The following CDK8 variants were observed in gnomAD, a reference collection of about 807,000 sequenced individuals.
CDK8 encodes cyclin-dependent kinase 8.
CDK8 carries 29 observed loss-of-function variants against 71.5 expected under a neutral mutation model. The ratio of observed to expected loss-of-function variants is 0.41; its 90% confidence interval spans 0.30 to 0.55. The LOEUF is 0.55. CDK8 is among the 20% of genes least tolerant of loss of function. The probability of loss-of-function intolerance (pLI) is 0.37; values close to 1 mark genes in which losing one functional copy is unlikely to be tolerated. For missense variants in CDK8, 288 were observed against 572.6 expected (o/e 0.50, Z 5.07); for synonymous variants, 161 against 192.1 (o/e 0.84, Z 1.34).
intron 1 of CDK8, among the ~76,000 whole-genome samples, chr13:26,305,012 T>G (rs1042971754): frequency 6.6e-6 from 1 of 152,152 alleles, no homozygotes; most frequent in Non-Finnish European, 1.5e-5. Context: ...TTACAAGATA[T>G]TATCATTGTT....
At chr13:26,261,971 G>A (rs1871788612) in intron 1 of CDK8, among the ~76,000 whole-genome samples, 1 of 152,202 alleles carries the variant, frequency 6.6e-6, no homozygotes. Flanking sequence ...ATCTATTGCA[G>A]TAATTCTGAA....
intron 3 of CDK8, among the ~76,000 whole-genome samples, chr13:26,352,770 A>G (rs1873736080): frequency 1.3e-5 from 2 of 152,236 alleles, no homozygotes; most frequent in African/African-American, 4.8e-5. Flanking sequence ...CTTGGAGAGT[A>G]AAGCTCCTTT....
intron 1 of CDK8, among the ~76,000 whole-genome samples, chr13:26,325,599 A>G (rs944509065): frequency 2.0e-4 from 31 of 152,158 alleles, no homozygotes; most frequent in African/African-American, 7.5e-4. Context: ...AATGATTCTA[A>G]GGAAAGACTA....
Position 26,355,010 on chromosome 13 carries a change from C to T in CDK8, c.456+1130C>T, listed in dbSNP as rs58330182. ...TAAAAGTGATTATTTTGTCTCTAAT[C>T]ACCTGTATACAAAGGAAATATCCTG... On this transcript the variant is annotated intron_variant, in intron 4 of 12. Coordinates refer to ENST00000381527, the MANE Select transcript of CDK8 (RefSeq NM_001260.3). Among the ~76,000 whole-genome samples, 1,341 of 152,268 alleles carry T rather than the reference C, an allele frequency of 8.8e-3. 26 individuals carry two copies. Among genetic ancestry groups the T allele is most frequent in the African/African-American group, 0.029 (1,220 of 41,542 alleles).
At position 26,337,582 on chromosome 13, in the gene CDK8, CT is replaced by C; in HGVS notation, c.145del (p.Tyr49MetfsTer3). 1 of 1,449,174 alleles carries C rather than the reference CT, an allele frequency of 6.9e-7. No individual in the cohort carries two copies. Among genetic ancestry groups the C allele is most frequent in the Non-Finnish European group, 9.1e-7 (1 of 1,093,920 alleles). The allele number at this position is 1,449,174 out of a possible 1,614,324, so 89.8% of individuals were successfully genotyped here. ...GTTTTTACAGGAAGGATGATAAAGA[CT>C]ATGCTTTAAAACAAATAGAAGGAAC... ...KRKDGKDDKD[Y>X]ALKQIEGTGI... On this transcript the variant is annotated frameshift_variant, in exon 2 of 13. Coordinates refer to ENST00000381527, the MANE Select transcript of CDK8 (RefSeq NM_001260.3). LOFTEE classifies it high-confidence loss of function.
chr13:26,295,934 C>T (rs1396629180), intron 1 of CDK8, among the ~76,000 whole-genome samples: 1 of 152,046 alleles, frequency 6.6e-6, no homozygotes, highest in African/African-American at 2.4e-5. Context: ...GTATCATGGT[C>T]GTTTGTTGGA....
At chr13:26,287,100 C>T (rs1873057846) in intron 1 of CDK8, among the ~76,000 whole-genome samples, 1 of 152,138 alleles carries the variant, frequency 6.6e-6, no homozygotes, top group Non-Finnish European at 1.5e-5. Flanking sequence ...CCTTAAAGAA[C>T]TAAAATAGAA....
At chr13:26,328,222 C>T (rs1875115192) in intron 1 of CDK8, among the ~76,000 whole-genome samples, 1 of 151,760 alleles carries the variant, frequency 6.6e-6, no homozygotes, top group African/African-American at 2.4e-5. Context: ...CACATTATCA[C>T]ATATTTAAGA....
chr13:26,332,935 AAT>A (rs1430208046), intron 1 of CDK8, among the ~76,000 whole-genome samples: 1 of 152,136 alleles, frequency 6.6e-6, no homozygotes, highest in Non-Finnish European at 1.5e-5. Flanking sequence ...AGAAATCCAA[AAT>A]GCTACACAAT....
At chr13:26,266,298 A>T (rs1214847602) in intron 1 of CDK8, among the ~76,000 whole-genome samples, 1 of 152,194 alleles carries the variant, frequency 6.6e-6, no homozygotes, top group Non-Finnish European at 1.5e-5. Context: ...AAGTACTTAA[A>T]GTGGTAGCTT....
At chr13:26,332,356 G>A (rs543253680) in intron 1 of CDK8, among the ~76,000 whole-genome samples, 7 of 151,814 alleles carry the variant, frequency 4.6e-5, no homozygotes, top group East Asian at 1.9e-4. Flanking sequence ...ATGGTGGTGC[G>A]TGCCTGTAAT....
chr13:26,377,703 C>A (rs889818658), intron 4 of CDK8, among the ~76,000 whole-genome samples: 1 of 152,098 alleles, frequency 6.6e-6, no homozygotes, highest in Non-Finnish European at 1.5e-5. Context: ...ATAAAGATTT[C>A]ATCACTGGAT....
At chr13:26,399,665 C>T (rs1261708501) in intron 9 of CDK8, among the ~76,000 whole-genome samples, 1 of 152,230 alleles carries the variant, frequency 6.6e-6, no homozygotes, top group East Asian at 1.9e-4. Flanking sequence ...TTACATAGTA[C>T]TTTCTTTATG....
rs147378189 is a variant in CDK8 at position 26,373,808 on chromosome 13, T to C, written c.457-9006T>C. On this transcript the variant is annotated intron_variant, in intron 4 of 12. Coordinates refer to ENST00000381527, the MANE Select transcript of CDK8 (RefSeq NM_001260.3). Reference sequence around the variant, plus strand: ...TCCTTAATTGTATTTGAAAATTAACTTTCCTGCAAAAGCATATGTTATGTT... The same window carrying C: ...TCCTTAATTGTATTTGAAAATTAACCTTCCTGCAAAAGCATATGTTATGTT... Among the ~76,000 whole-genome samples the C allele has an allele frequency of 5.8e-3, 879 of 152,176 alleles. 10 individuals carry two copies. Among genetic ancestry groups the C allele is most frequent in the African/African-American group, 0.02 (832 of 41,542 alleles).
At chr13:26,279,477 C>T (rs1872665872) in intron 1 of CDK8, among the ~76,000 whole-genome samples, 1 of 151,914 alleles carries the variant, frequency 6.6e-6, no homozygotes, top group South Asian at 2.1e-4. Context: ...AAAAAAATCA[C>T]CGGTATAGTT....
intron 1 of CDK8, among the ~76,000 whole-genome samples, chr13:26,330,332 A>G (rs1875253219): frequency 6.6e-6 from 1 of 152,000 alleles, no homozygotes; most frequent in Admixed American, 6.5e-5. Context: ...CGGCCTCCCT[A>G]GTAGCTGGGA....
chr13:26,265,693 G>T (rs953526723), intron 1 of CDK8, among the ~76,000 whole-genome samples: 2 of 152,074 alleles, frequency 1.3e-5, no homozygotes, highest in African/African-American at 4.8e-5. Context: ...AAGGAAAGAT[G>T]GTATGTACGG....
At chr13:26,363,332 A>AAAAAAAAAAAAAAC (rs1874237525) in intron 4 of CDK8, among the ~76,000 whole-genome samples, 1 of 148,928 alleles carries the variant, frequency 6.7e-6, no homozygotes, top group Non-Finnish European at 1.5e-5. Flanking sequence ...CATCTCAAAA[A>AAAAAAAAAAAAAAC]AAAAAAAAAG....
At chr13:26,261,281 T>G (rs985508286) in intron 1 of CDK8, among the ~76,000 whole-genome samples, 3 of 152,188 alleles carry the variant, frequency 2.0e-5, no homozygotes, top group Admixed American at 6.5e-5. Context: ...GCAGAAAAAA[T>G]GCTGAGAGCT....
Sources: gnomAD v4.1 joint callset for allele counts (sites outside exome capture counted in the v4.1 genomes callset) on GRCh38, gnomAD v4.1.1 for gene constraint, MANE v1.5 for transcripts, NCBI Gene and HGNC (gene_info 2026-07-23, HGNC 2026-07-21) for gene names.